Variants in TECRL observed in about 807,000 individuals in gnomAD.
TECRL encodes the protein trans-2,3-enoyl-CoA reductase-like.
TECRL carries 63 observed loss-of-function variants against 52.8 expected under a neutral mutation model. The ratio of observed to expected loss-of-function variants is 1.19; its 90% CI spans 0.97 to 1.47. TECRL has a LOEUF of 1.47. Ranked by LOEUF, TECRL falls within the 40% of genes most tolerant of loss-of-function variation. The probability of loss-of-function intolerance (pLI) is 0.00; values close to 1 mark genes in which losing one functional copy is unlikely to be tolerated. For synonymous variants in TECRL, 164 were observed against 141.9 expected, an observed-to-expected ratio of 1.16 and a Z score of -1.10; for missense variants, 482 against 429.6, an observed-to-expected ratio of 1.12 and a Z score of -1.08.
At chr4:64,360,812 A>C (rs1266259198) in intron 2 of TECRL, among the ~76,000 whole-genome samples, 1 of 152,156 alleles carries the variant, frequency 6.6e-6, no homozygotes, top group East Asian at 1.9e-4. Flanking sequence ...CTGGAATCCC[A>C]GCGGTGAGAG....
chr4:64,355,498 T>C (rs1720698809), intron 2 of TECRL, among the ~76,000 whole-genome samples: 1 of 152,048 alleles, frequency 6.6e-6, no homozygotes, highest in South Asian at 2.1e-4. Flanking sequence ...AGTTGTATTA[T>C]TAAGAATAAG....
At chr4:64,381,670 A>G (rs887795351) in intron 1 of TECRL, among the ~76,000 whole-genome samples, 4 of 152,070 alleles carry the variant, frequency 2.6e-5, no homozygotes, top group African/African-American at 4.8e-5. Context: ...TTATCCTTCA[A>G]TCTGTTGATA....
intron 1 of TECRL, among the ~76,000 whole-genome samples, chr4:64,378,726 G>A (rs544199536): frequency 2.0e-5 from 3 of 151,990 alleles, no homozygotes; most frequent in Admixed American, 2.0e-4. Flanking sequence ...GAATAAAATT[G>A]ACAGCGCACA....
intron 5 of TECRL, among the ~76,000 whole-genome samples, chr4:64,311,075 C>G (rs1388207455): frequency 6.6e-6 from 1 of 152,034 alleles, no homozygotes; most frequent in African/African-American, 2.4e-5. Flanking sequence ...ATCATTTACT[C>G]TATATAATAA....
chr4:64,299,538 A>G (rs1218654683), intron 8 of TECRL, among the ~76,000 whole-genome samples: 1 of 151,198 alleles, frequency 6.6e-6, no homozygotes, highest in African/African-American at 2.4e-5. Context: ...AAAGAAATTG[A>G]ATGAGAACAG....
At chr4:64,408,549 T>G (rs1724883163) in intron 1 of TECRL, among the ~76,000 whole-genome samples, 1 of 152,036 alleles carries the variant, frequency 6.6e-6, no homozygotes, top group East Asian at 1.9e-4. Flanking sequence ...AAAACATTAT[T>G]TTCATGAACT....
At chr4:64,378,570 G>A (rs1905313) in intron 1 of TECRL, among the ~76,000 whole-genome samples, 93,268 of 151,942 alleles carry the variant, frequency 0.61, 31,538 homozygotes, top group Non-Finnish European at 0.75. Flanking sequence ...TATTCAGAAT[G>A]GACAAGGATT....
intron 2 of TECRL, among the ~76,000 whole-genome samples, chr4:64,342,135 T>G (rs530602029): frequency 6.6e-6 from 1 of 152,286 alleles, no homozygotes; most frequent in African/African-American, 2.4e-5. Context: ...CTCATAAAAA[T>G]ACTGCCAGAT....
At chr4:64,306,360 G>A (rs575006638) in intron 6 of TECRL, among the ~76,000 whole-genome samples, 1 of 152,204 alleles carries the variant, frequency 6.6e-6, no homozygotes, top group South Asian at 2.1e-4. Context: ...GCAACTGAAG[G>A]TATCTGGCTG....
chr4:64,315,142 T>TTTTTTC (rs1339018423), intron 4 of TECRL, among the ~76,000 whole-genome samples: 1 of 152,068 alleles, frequency 6.6e-6, no homozygotes, highest in Non-Finnish European at 1.5e-5. Context: ...CTAGAGTATC[T>TTTTTTC]TTTTTCTTTT....
At chr4:64,288,439 T>C (rs1723193462) in intron 9 of TECRL, among the ~76,000 whole-genome samples, 1 of 152,080 alleles carries the variant, frequency 6.6e-6, no homozygotes, top group African/African-American at 2.4e-5. Context: ...TTGAAGCAAA[T>C]TGGAGAGGTG....
chr4:64,373,824 A>C (rs1317749128), intron 2 of TECRL, among the ~76,000 whole-genome samples: 2 of 148,288 alleles, frequency 1.3e-5, no homozygotes, highest in African/African-American at 2.5e-5. Context: ...GTGGCAATTC[A>C]ATTACTAGCT....
At chr4:64,304,577 G>A (rs1022658151) in intron 7 of TECRL, among the ~76,000 whole-genome samples, 2 of 152,046 alleles carry the variant, frequency 1.3e-5, no homozygotes, top group African/African-American at 4.8e-5. Flanking sequence ...ATGTGCTACA[G>A]TAAGAGCTGA....
chr4:64,408,385 T>C (rs1180026391), intron 1 of TECRL, among the ~76,000 whole-genome samples: 2 of 151,868 alleles, frequency 1.3e-5, no homozygotes, highest in Non-Finnish European at 2.9e-5. Context: ...TTCAAATTTA[T>C]TAAAAACTGA....
chr4:64,351,369 G>C (rs189613150), intron 2 of TECRL, among the ~76,000 whole-genome samples: 19 of 151,810 alleles, frequency 1.3e-4, no homozygotes, highest in African/African-American at 4.6e-4. Flanking sequence ...CTTCAGCCTT[G>C]AGCTCAAGCA....
At chr4:64,359,132 C>T (rs1720991355) in intron 2 of TECRL, among the ~76,000 whole-genome samples, 2 of 151,834 alleles carry the variant, frequency 1.3e-5, no homozygotes, top group Admixed American at 6.6e-5. Context: ...TTTTATATTA[C>T]TCCTCATACA....
chr4:64,314,791 A>G, intron 4 of TECRL, 28 bp from the exon 5 acceptor site: 1 of 1,483,522 alleles, frequency 6.7e-7, no homozygotes, highest in Non-Finnish European at 9.4e-7. Context: ...TTTAGATTAA[A>G]CGATAAAAAT....
intron 2 of TECRL, among the ~76,000 whole-genome samples, chr4:64,333,271 G>T (rs1161156695): frequency 6.6e-6 from 1 of 151,854 alleles, no homozygotes; most frequent in African/African-American, 2.4e-5. Context: ...TAAGATATTG[G>T]CCAAATAGCT....
chr4:64,301,303 A>G (rs1724006435), intron 7 of TECRL, among the ~76,000 whole-genome samples: 1 of 151,104 alleles, frequency 6.6e-6, no homozygotes, highest in African/African-American at 2.4e-5. Flanking sequence ...CAATTTTGTA[A>G]CTTACTTTTC....
Sources: allele counts gnomAD v4.1 joint callset (sites outside exome capture counted in the v4.1 genomes callset), GRCh38; gene constraint gnomAD v4.1.1; transcripts MANE v1.5; gene names NCBI Gene and HGNC (gene_info 2026-07-23, HGNC 2026-07-21).